The following ATP2B3 variants were observed in gnomAD, a reference collection of about 807,000 sequenced individuals.
ATP2B3 encodes the protein ATPase plasma membrane Ca2+ transporting 3.
A neutral mutation model predicts 70.8 loss-of-function variants in ATP2B3; 12 were observed. The ratio of observed to expected loss-of-function variants is 0.17; its 90% CI spans 0.11 to 0.27. The LOEUF (loss-of-function observed/expected upper bound fraction) is 0.27, where lower values mean the gene tolerates loss of function less well. Ranked by LOEUF, ATP2B3 falls within the 10% of genes least tolerant of loss-of-function variation. The probability of loss-of-function intolerance (pLI) is 1.00; values close to 1 mark genes in which losing one functional copy is unlikely to be tolerated. For missense variants in ATP2B3, 858 were observed against 1,118.5 expected, an observed-to-expected ratio of 0.77 and a Z score of 3.32; for synonymous variants, 460 against 497.8, an observed-to-expected ratio of 0.92 and a Z score of 1.01.
chrX:153,580,352 ACACGCACACATG>A lies in ATP2B3; in HGVS notation c.*65_*76del. The A allele has an allele frequency of 1.9e-6, 2 of 1,080,836 alleles. No individual in the cohort carries two copies. Among genetic ancestry groups the A allele is most frequent in the Non-Finnish European group, 2.5e-6 (2 of 791,834 alleles). The allele number at this position is 1,080,836 out of a possible 1,213,427, so 89.1% of individuals were successfully genotyped here. ...CGCACACTCGGACTCACACGAAGTC[ACACGCACACATG>A]CACGCACACACACATATGGGGACCT... On this transcript the variant is annotated 3_prime_UTR_variant, in exon 22 of 22. Coordinates refer to ENST00000263519, the MANE Select transcript of ATP2B3 (RefSeq NM_001001344.3).
intron 2 of ATP2B3, among the ~76,000 whole-genome samples, chrX:153,532,047 A>G (rs1267156047): frequency 5.4e-5 from 6 of 111,951 alleles, no homozygotes; most frequent in Non-Finnish European, 1.1e-4. Flanking sequence ...CTCAAGTCAC[A>G]TGGAAGGCAG....
chrX:153,557,978 CT>C (rs782441975), intron 16 of ATP2B3, 133 bp from the exon 17 acceptor site: 1 of 543,617 alleles, frequency 1.8e-6, no homozygotes, highest in East Asian at 4.2e-5. Context: ...CTGTTCTTGG[CT>C]TTGGGGGGCG....
chrX:153,565,694 C>G (rs1457726490), intron 21 of ATP2B3, among the ~76,000 whole-genome samples: 7 of 112,409 alleles, frequency 6.2e-5, no homozygotes, highest in Non-Finnish European at 1.1e-4. Flanking sequence ...CAGTATCAGG[C>G]GCTTGCCAGA....
chrX:153,569,252 T>G (rs782711382), intron 21 of ATP2B3: 1 of 464,843 alleles, frequency 2.2e-6, no homozygotes, highest in African/African-American at 2.3e-5. Context: ...TCAGGTGTGT[T>G]GGAGAGGAAA....
intron 16 of ATP2B3, among the ~76,000 whole-genome samples, chrX:153,557,905 T>C (rs12394330): frequency 0.023 from 2,400 of 103,399 alleles, 77 homozygotes; most frequent in African/African-American, 0.079. Context: ...CCGTGACATG[T>C]GACAACTTAC....
At chrX:153,567,709 A>G (rs2090730014) in intron 21 of ATP2B3, among the ~76,000 whole-genome samples, 1 of 111,671 alleles carries the variant, frequency 9.0e-6, no homozygotes, top group Non-Finnish European at 1.9e-5. Context: ...CGGTGCTCAC[A>G]GAGACACGGG....
At chrX:153,575,600 C>T (rs2090846106) in intron 21 of ATP2B3, among the ~76,000 whole-genome samples, 1 of 105,795 alleles carries the variant, frequency 9.5e-6, no homozygotes, top group African/African-American at 3.5e-5. Flanking sequence ...GGGGTGGGGG[C>T]GAAGTGCAGG....
At position 153,559,731 on chromosome X, in the gene ATP2B3, C is replaced by G. The variant is rs1207372412; in HGVS notation, c.2628C>G (p.Asp876Glu). 4 of 1,208,613 alleles carry G rather than the reference C, an allele frequency of 3.3e-6. No individual in the cohort carries two copies. The highest frequency in any genetic ancestry group is 4.5e-6 in the Non-Finnish European group (4 of 894,643). The change falls in exon 18 of 22, where the codon GAC (aspartate) becomes GAG (glutamate). Residue 876 changes from aspartate (D) to glutamate (E), a missense_variant and splice_region_variant. By Grantham distance (45) the Asp-to-Glu change is conservative. Around this residue, in one of 5 missense-constraint regions of ATP2B3, gnomAD observed 50 missense variants for 106.7 expected, o/e 0.47. Coordinates refer to ENST00000263519, the MANE Select transcript of ATP2B3 (RefSeq NM_001001344.3). ...AGGTGACTGCCTCCTCTCCATAGGA[C>G]TCTCCTCTCAAAGCCGTGCAGATGT... ...VAFTGACITQ[D>E]SPLKAVQMLW...
chrX:153,570,257 C>T (rs1169623840), intron 21 of ATP2B3, among the ~76,000 whole-genome samples: 6 of 112,462 alleles, frequency 5.3e-5, no homozygotes, highest in Non-Finnish European at 7.5e-5. Flanking sequence ...GGAACTGGAG[C>T]GGCGCTTCCA....
intron 7 of ATP2B3, among the ~76,000 whole-genome samples, chrX:153,545,466 T>C (rs1199246343): frequency 8.9e-6 from 1 of 112,446 alleles, no homozygotes; most frequent in Non-Finnish European, 1.9e-5. Flanking sequence ...AGGTCAGGAG[T>C]TGGAGACCAG....
intron 9 of ATP2B3, 24 bp from the exon 10 acceptor site, chrX:153,548,616 C>T (rs782785107): frequency 1.3e-5 from 16 of 1,192,428 alleles, no homozygotes; most frequent in Non-Finnish European, 1.7e-5. Context: ...CAACCCCTTT[C>T]GTCTCCTCCC....
At position 153,580,405 on chromosome X, in the gene ATP2B3, G is replaced by A. The variant is rs375755134; in HGVS notation, c.*107G>A. 170 of 838,595 alleles carry A rather than the reference G, an allele frequency of 2.0e-4. No individual in the cohort carries two copies. In the East Asian group the frequency reaches 4.6e-3, roughly 23 times the overall value. 69.1% of individuals were successfully genotyped at this position (838,595 alleles called of 1,213,427 possible). On this transcript the variant is annotated 3_prime_UTR_variant, in exon 22 of 22. Transcript: ENST00000263519. ...ATGGGGACCTGCACACCTGCAAAAC[G>A]AGGGAACAACTAAGGTGGCTGAAGA...
intron 7 of ATP2B3, among the ~76,000 whole-genome samples, chrX:153,544,673 G>A (rs2090337636): frequency 8.9e-6 from 1 of 111,876 alleles, no homozygotes; most frequent in Admixed American, 9.4e-5. Flanking sequence ...AGCCTGCCAG[G>A]TACACGCTTA....
intron 17 of ATP2B3, 152 bp downstream of exon 17, chrX:153,558,455 T>A: frequency 1.8e-6 from 1 of 567,313 alleles, no homozygotes; most frequent in Non-Finnish European, 2.7e-6. Flanking sequence ...TTCAAGTACA[T>A]AATTCAGCAC....
At position 153,556,219 on chromosome X, in the gene ATP2B3, G is replaced by A; in HGVS notation, c.2229G>A (p.Glu743=). Residue 743 remains glutamate (E), a synonymous_variant, in exon 14 of 22, where the codon GAG becomes GAA. Transcript: ENST00000263519. ...AGTTCAACCGGCGGATCCGCAATGA[G>A]AAAGGCGAGGTAGCACCCGGCTGTC... ...GKEFNRRIRN[E]KGEIEQERLD... 1 of 1,209,125 alleles carries A rather than the reference G, an allele frequency of 8.3e-7. No homozygotes were observed. The highest frequency in any genetic ancestry group is 1.1e-6 in the Non-Finnish European group (1 of 893,598).
intron 20 of ATP2B3, among the ~76,000 whole-genome samples, chrX:153,562,564 C>T (rs1484810376): frequency 8.9e-6 from 1 of 112,050 alleles, no homozygotes; most frequent in South Asian, 3.7e-4. Context: ...ATCAATCAAA[C>T]AGCACCCTGA....
At chrX:153,562,883 A>G (rs1230798841) in intron 20 of ATP2B3, among the ~76,000 whole-genome samples, 1 of 112,498 alleles carries the variant, frequency 8.9e-6, no homozygotes, top group East Asian at 2.8e-4. Context: ...CAGCGGGGCC[A>G]GTTCCTGGTG....
intron 9 of ATP2B3, among the ~76,000 whole-genome samples, chrX:153,548,351 T>G (rs934262279): frequency 3.6e-5 from 4 of 111,083 alleles, no homozygotes; most frequent in African/African-American, 6.6e-5. Flanking sequence ...AGTGGGGGAT[T>G]GACTCTTGCT....
chrX:153,576,711 T>C (rs1240300772), intron 21 of ATP2B3, among the ~76,000 whole-genome samples: 6 of 111,546 alleles, frequency 5.4e-5, no homozygotes, highest in African/African-American at 2.0e-4. Context: ...TGGCGCGTCC[T>C]GGGCTGAGAG....
Sources: allele counts gnomAD v4.1 joint callset (sites outside exome capture counted in the v4.1 genomes callset), GRCh38; gene constraint gnomAD v4.1.1; regional missense constraint gnomAD v4.1.1; transcripts MANE v1.5; gene names NCBI Gene and HGNC (gene_info 2026-07-23, HGNC 2026-07-21).